The following RUBCN variants were observed in gnomAD, a reference collection of about 807,000 sequenced individuals.
The protein encoded by RUBCN is rubicon autophagy regulator, also known as run domain Beclin-1-interacting and cysteine-rich domain-containing protein.
In RUBCN, 74 loss-of-function variants were observed where a neutral mutation model predicts 113.2. The observed-to-expected ratio is 0.65, with a 90% confidence interval of 0.54 to 0.79. RUBCN has a LOEUF of 0.79. RUBCN is among the 30% of genes least tolerant of loss of function. The pLI, the probability that RUBCN is intolerant of heterozygous loss-of-function variation, is 0.00. For synonymous variants in RUBCN, 480 were observed against 490.0 expected, an observed-to-expected ratio of 0.98 and a Z score of 0.27; for missense variants, 1,109 against 1,251.7, an observed-to-expected ratio of 0.89 and a Z score of 1.72.
chr3:197,749,474 AG>A (rs1232254717), exon 1 of RUBCN: 2 of 1,274,550 alleles, frequency 1.6e-6, no homozygotes, highest in East Asian at 5.8e-5. Flanking sequence ...CGTGCCAGGG[AG>A]GGGGGAGCTG....
At chr3:197,734,871 A>G (rs1038089503) in intron 1 of RUBCN, among the ~76,000 whole-genome samples, 2 of 152,210 alleles carry the variant, frequency 1.3e-5, no homozygotes, top group African/African-American at 4.8e-5. Flanking sequence ...AGCACAAATC[A>G]TTCTCAGATC....
chr3:197,712,436 G>A (rs1001225482), intron 2 of RUBCN, among the ~76,000 whole-genome samples: 1 of 152,140 alleles, frequency 6.6e-6, no homozygotes, highest in Non-Finnish European at 1.5e-5. Flanking sequence ...CCCTCCTCCT[G>A]ACGAGGGCAC....
rs372356796 is a variant in RUBCN, at chr3:197,674,486, C to T, written c.*532G>A. On this transcript the variant is annotated 3_prime_UTR_variant, in exon 20 of 20. Transcript: ENST00000296343. ...CCCCCAAAATACCCAAATAAGTGGACGAAATGCCCATGACGTAGTCCTATT... is the reference window on the plus strand; with the variant it reads ...CCCCCAAAATACCCAAATAAGTGGATGAAATGCCCATGACGTAGTCCTATT... 17 of 472,018 alleles carry T rather than the reference C, an allele frequency of 3.6e-5. 1 individual carries two copies. Among genetic ancestry groups the T allele is most frequent in the African/African-American group, 1.4e-4 (7 of 48,526 alleles). The allele number at this position is 472,018 out of a possible 1,614,324, so 29.2% of individuals were successfully genotyped here. A position where few individuals can be genotyped will look rare whatever the true frequency, so the allele number is the denominator to read the frequency against.
At chr3:197,715,344 T>C (rs1054558392) in intron 2 of RUBCN, among the ~76,000 whole-genome samples, 2 of 150,900 alleles carry the variant, frequency 1.3e-5, no homozygotes, top group African/African-American at 4.9e-5. Flanking sequence ...AAAGTTTATA[T>C]TTTAAAAATT....
rs1222176397 is a variant in RUBCN, at chr3:197,704,434, CAAAGAAAA to C, written c.463+100_463+107del. Reference sequence around the variant, plus strand: ...GGGTGACAAGAGCGTAAGTCCATCTCAAAGAAAAAAAGAAAAATAGGAGGCCCTGGTAC... The same window carrying C: ...GGGTGACAAGAGCGTAAGTCCATCTCAAAGAAAAATAGGAGGCCCTGGTAC... On this transcript the variant is annotated intron_variant, in intron 4 of 19. Coordinates refer to ENST00000296343, the MANE Select transcript of RUBCN (RefSeq NM_014687.4). 3.5e-5 allele frequency: 39 copies of C among 1,108,630 alleles called. No homozygotes were observed. The East Asian group carries it at 7.8e-4, about 22-fold the overall frequency. 68.7% of individuals were successfully genotyped at this position (1,108,630 alleles called of 1,614,324 possible).
At chr3:197,748,412 G>C (rs1256915105) in intron 1 of RUBCN, 2 of 152,062 alleles carry the variant, frequency 1.3e-5, no homozygotes, top group Non-Finnish European at 2.9e-5. Context: ...CCCCTTGATA[G>C]GTGTGTGGTT....
exon 1 of RUBCN, chr3:197,749,446 C>A: frequency 8.0e-7 from 1 of 1,247,928 alleles, no homozygotes; most frequent in Non-Finnish European, 1.0e-6. Context: ...CAGCTCAGCG[C>A]AGCTGTAGGT....
upstream of RUBCN, among the ~76,000 whole-genome samples, chr3:197,739,822 C>T (rs1227551276): frequency 6.6e-6 from 1 of 152,172 alleles, no homozygotes; most frequent in African/African-American, 2.4e-5. Context: ...GGTCACTTGA[C>T]ACCAGGAGTT....
intron 2 of RUBCN, among the ~76,000 whole-genome samples, chr3:197,709,765 A>G (rs1424385460): frequency 6.6e-6 from 1 of 152,232 alleles, no homozygotes; most frequent in Non-Finnish European, 1.5e-5. Flanking sequence ...AGTTGATACA[A>G]ATGCATAGGA....
In RUBCN at chr3:197,684,232, G is replaced by A. The variant is rs1721584473; in HGVS notation, c.1787-15C>T. ...GATGTCAGCATCTACATGGAAACCA[G>A]AGATAAGGGGAGCGCAATGGAAACG... is the stretch of plus-strand genomic sequence containing the variant. On this transcript the variant is annotated splice_polypyrimidine_tract_variant and intron_variant, in intron 11 of 19. Coordinates refer to ENST00000296343, the MANE Select transcript of RUBCN (RefSeq NM_014687.4). 3.1e-6 allele frequency: 5 copies of A among 1,609,130 alleles called. No homozygotes were observed. The highest frequency in any genetic ancestry group is 4.3e-6 in the Non-Finnish European group (5 of 1,175,438).
At chr3:197,676,747 C>A in intron 18 of RUBCN, 138 bp downstream of exon 18, 1 of 1,543,178 alleles carries the variant, frequency 6.5e-7, no homozygotes, top group Non-Finnish European at 8.7e-7. Context: ...GGAACAGCAG[C>A]CCTTTCCAGT....
chr3:197,674,977 A>T lies in RUBCN; in HGVS notation c.*41T>A, dbSNP rs995372303. On this transcript the variant is annotated 3_prime_UTR_variant, in exon 20 of 20. Transcript: ENST00000296343. ...TCAAAGAGTGGCTCAGTTCTGCAACAGGTGTGACCCGGCCCGGAGGGAGGG... is the reference window on the plus strand; with the variant it reads ...TCAAAGAGTGGCTCAGTTCTGCAACTGGTGTGACCCGGCCCGGAGGGAGGG... The T allele has an allele frequency of 6.3e-7, 1 of 1,599,878 alleles. No homozygotes were observed. The highest frequency in any genetic ancestry group is 8.5e-7 in the Non-Finnish European group (1 of 1,176,410).
intron 8 of RUBCN, among the ~76,000 whole-genome samples, chr3:197,696,387 A>C (rs1282770129): frequency 6.6e-6 from 1 of 151,758 alleles, no homozygotes; most frequent in Non-Finnish European, 1.5e-5. Flanking sequence ...AAAAAAAAAC[A>C]AAACAAAAAA....
chr3:197,745,665 G>C (rs1472636641), intron 1 of RUBCN, among the ~76,000 whole-genome samples: 1 of 151,694 alleles, frequency 6.6e-6, no homozygotes, highest in East Asian at 1.9e-4. Flanking sequence ...GGTGAAGTGT[G>C]TAAGAGTTTA....
intron 2 of RUBCN, among the ~76,000 whole-genome samples, chr3:197,712,738 GGAGA>G (rs1223258017): frequency 6.6e-6 from 1 of 151,682 alleles, no homozygotes; most frequent in Non-Finnish European, 1.5e-5. Flanking sequence ...ATGTAAAAAA[GGAGA>G]GAGAAAAGAT....
At position 197,669,874 on chromosome 3, in the gene RUBCN, C is replaced by A. The variant is rs1719625350; in HGVS notation, c.*5144G>T. Among the ~76,000 whole-genome samples the A allele has an allele frequency of 2.0e-5, 3 of 151,976 alleles. No individual in the cohort carries two copies. In the South Asian group the frequency reaches 6.2e-4, roughly 31 times the overall value. On this transcript the variant is annotated 3_prime_UTR_variant, in exon 20 of 20. Transcript: ENST00000296343. ...TAACATTGTATTACAAGACTTTTTC[C>A]CCATGTTACTATCATAATTTATTTT...
intron 1 of RUBCN, among the ~76,000 whole-genome samples, chr3:197,732,039 G>A (rs997412620): frequency 6.6e-6 from 1 of 152,250 alleles, no homozygotes; most frequent in African/African-American, 2.4e-5. Context: ...TTGAGTGAGT[G>A]GAAAATGCTA....
intron 11 of RUBCN, among the ~76,000 whole-genome samples, chr3:197,689,790 T>C (rs1722226316): frequency 6.6e-6 from 1 of 152,242 alleles, no homozygotes; most frequent in Non-Finnish European, 1.5e-5. Context: ...TATCCATTGA[T>C]TGAACATTTA....
At chr3:197,702,123 G>A (rs1277106878) in intron 5 of RUBCN, among the ~76,000 whole-genome samples, 1 of 152,190 alleles carries the variant, frequency 6.6e-6, no homozygotes, top group Non-Finnish European at 1.5e-5. Flanking sequence ...ACAACAAAGT[G>A]CTGATGTATG....
Sources: gnomAD v4.1 joint callset for allele counts (sites outside exome capture counted in the v4.1 genomes callset) on GRCh38, gnomAD v4.1.1 for gene constraint, MANE v1.5 for transcripts, NCBI Gene and HGNC (gene_info 2026-07-23, HGNC 2026-07-21) for gene names.